The following ICE2 variants were observed in gnomAD, a reference collection of about 807,000 sequenced individuals.
ICE2 encodes little elongation complex subunit 2.
In ICE2, 87 loss-of-function variants were observed where a neutral mutation model predicts 105.4. The ratio of observed to expected loss-of-function variants is 0.83; its 90% confidence interval spans 0.69 to 0.99. The LOEUF (loss-of-function observed/expected upper bound fraction) is 0.99. Ranked by LOEUF, ICE2 falls within the 50% of genes least tolerant of loss-of-function variation. The pLI is 0.00. For synonymous variants in ICE2, 399 were observed against 392.0 expected (o/e 1.02, Z -0.21); for missense variants, 1,323 against 1,146.7 (o/e 1.15, Z -2.22).
intron 15 of ICE2, among the ~76,000 whole-genome samples, chr15:60,424,641 T>G (rs1374441894): frequency 2.0e-5 from 3 of 152,178 alleles, no homozygotes; most frequent in Non-Finnish European, 2.9e-5. Flanking sequence ...CCTGAGCAGC[T>G]GGGATTACAG....
chr15:60,449,159 G>A lies in ICE2; in HGVS notation c.1808C>T (p.Pro603Leu), dbSNP rs1268712604. The change falls in exon 10 of 16, where the codon CCA (proline) becomes CTA (leucine). Residue 603 changes from proline to leucine, a missense_variant. Physicochemically the swap from Pro to Leu is moderately conservative, Grantham distance 98. Coordinates refer to ENST00000261520, the MANE Select transcript of ICE2 (RefSeq NM_024611.6). The part of the protein sequence containing the change: ...AVVGSNLSSR[P>L]ASPNSSSGQA... ...TCCTGAGGAAGAATTTGGACTAGCT[G>A]GTCTGGAACTTAAGTTAGAACCCAC... 3 of 1,613,758 alleles carry A rather than the reference G, an allele frequency of 1.9e-6. No homozygotes were observed. The highest frequency in any genetic ancestry group is 2.5e-6 in the Non-Finnish European group (3 of 1,179,834).
At chr15:60,455,254 C>G in intron 7 of ICE2, 72 bp downstream of exon 7, 1 of 1,526,558 alleles carries the variant, frequency 6.6e-7, no homozygotes, top group Non-Finnish European at 9.0e-7. Flanking sequence ...GACTTTGGGA[C>G]AATCGGGTTA....
intron 3 of ICE2, 72 bp downstream of exon 3, chr15:60,475,991 T>C (rs919998657): frequency 2.4e-5 from 23 of 945,914 alleles, no homozygotes; most frequent in Admixed American, 8.0e-5. Flanking sequence ...ATACTAGAGA[T>C]ACACATAAAA....
intron 11 of ICE2, among the ~76,000 whole-genome samples, chr15:60,444,474 AT>A (rs550580004): frequency 1.2e-4 from 19 of 152,050 alleles, no homozygotes; most frequent in Non-Finnish European, 2.4e-4. Flanking sequence ...AAAGTTTACT[AT>A]TTTTTTCCCT....
At chr15:60,443,442 G>A (rs1013585080) in intron 11 of ICE2, among the ~76,000 whole-genome samples, 1 of 152,196 alleles carries the variant, frequency 6.6e-6, no homozygotes, top group Non-Finnish European at 1.5e-5. Flanking sequence ...GGCAAAGAGT[G>A]GGCTTGGTAC....
Position 60,455,030 on chromosome 15 carries a change from C to A in ICE2, c.916G>T (p.Val306Leu), listed in dbSNP as rs376840012. 18 of 1,572,678 alleles carry A rather than the reference C, an allele frequency of 1.1e-5. No homozygotes were observed. Among genetic ancestry groups the A allele is most frequent in the Non-Finnish European group, 1.5e-5 (18 of 1,167,108 alleles). The change falls in exon 8 of 16, where the codon GTG (valine) becomes TTG (leucine). Residue 306 changes from valine (V) to leucine (L), a missense_variant. By Grantham distance (32) the Val-to-Leu change is conservative. Transcript: ENST00000261520. ...GCAACAGGTATTACTTGAATACACA[C>A]TGGAATTTCCCACTGTTCCTTGTAC... ...PTYKEQWEIP[V>L]CIQVIPVAGS...
At chr15:60,434,563 ACAC>A (rs1444071205) in intron 13 of ICE2, among the ~76,000 whole-genome samples, 2 of 142,202 alleles carry the variant, frequency 1.4e-5, no homozygotes, top group African/African-American at 2.5e-5. Flanking sequence ...ACACACACAC[ACAC>A]AATGGAATAT....
chr15:60,448,155 TA>T lies in ICE2; in HGVS notation c.2120-11del. 6.3e-7 allele frequency: 1 copy of T among 1,575,754 alleles called. No individual in the cohort carries two copies. Among genetic ancestry groups the T allele is most frequent in the Non-Finnish European group, 8.7e-7 (1 of 1,151,190 alleles). On this transcript the variant is annotated splice_polypyrimidine_tract_variant and intron_variant, in intron 10 of 15. Transcript: ENST00000261520. ...AGTTCATATGGCAATCCTTTAAAAA[TA>T]GTATTTCTCATTTTTAAAATACATT...
Position 60,449,538 on chromosome 15 carries a change from C to A in ICE2, c.1429G>T (p.Gly477Cys). 1 of 1,614,104 alleles carries A rather than the reference C, an allele frequency of 6.2e-7. No individual in the cohort carries two copies. Among genetic ancestry groups the A allele is most frequent in the Non-Finnish European group, 8.5e-7 (1 of 1,179,994 alleles). Residue 477 changes from glycine (G) to cysteine (C), a missense_variant, in exon 10 of 16, where the codon GGC becomes TGC. Gly to Cys is a radical substitution (Grantham distance 159, BLOSUM62 -3). Coordinates refer to ENST00000261520, the MANE Select transcript of ICE2 (RefSeq NM_024611.6). ...TCTTTATTTTTGCATTCCTCAGGGCCACCATCCATACCAGTGACCAGCTGT... is the reference window on the plus strand; with the variant it reads ...TCTTTATTTTTGCATTCCTCAGGGCAACCATCCATACCAGTGACCAGCTGT... The part of the protein sequence containing the change: ...EKQLVTGMDG[G>C]PEECKNKDDQ...
At chr15:60,471,571 T>C (rs534762252) in intron 3 of ICE2, among the ~76,000 whole-genome samples, 5 of 152,312 alleles carry the variant, frequency 3.3e-5, no homozygotes, top group African/African-American at 1.2e-4. Context: ...GCAGTTTAAA[T>C]TGGCTACATT....
intron 15 of ICE2, among the ~76,000 whole-genome samples, chr15:60,426,634 T>C (rs1382470447): frequency 6.6e-6 from 1 of 152,230 alleles, no homozygotes; most frequent in Non-Finnish European, 1.5e-5. Context: ...TATTTTAGTG[T>C]CAGTCTATAT....
intron 5 of ICE2, among the ~76,000 whole-genome samples, chr15:60,459,041 C>G (rs577628605): frequency 1.3e-5 from 2 of 152,090 alleles, no homozygotes; most frequent in African/African-American, 2.4e-5. Flanking sequence ...GGTGGTGATA[C>G]CTGCATAACA....
chr15:60,477,443 A>AC (rs1381256046), intron 2 of ICE2, among the ~76,000 whole-genome samples: 1 of 152,238 alleles, frequency 6.6e-6, no homozygotes, highest in African/African-American at 2.4e-5. Flanking sequence ...CTAAAGCAGC[A>AC]CATGTATTAG....
chr15:60,445,932 T>C (rs900622746), intron 11 of ICE2: 2 of 228,174 alleles, frequency 8.8e-6, no homozygotes, highest in Non-Finnish European at 7.3e-6. Flanking sequence ...TGATACTATA[T>C]GTATTCATGA....
intron 5 of ICE2, among the ~76,000 whole-genome samples, chr15:60,463,926 G>C (rs1340012100): frequency 2.6e-5 from 4 of 152,148 alleles, no homozygotes; most frequent in Admixed American, 1.3e-4. Flanking sequence ...TTATACAAGA[G>C]GACTACACAG....
chr15:60,445,586 G>GT (rs2063805687), intron 11 of ICE2: 2 of 960,984 alleles, frequency 2.1e-6, no homozygotes, highest in African/African-American at 3.5e-5. Context: ...AGTCTTTAGG[G>GT]TGTGACTATT....
At chr15:60,428,933 A>G (rs2063395607) in intron 14 of ICE2, among the ~76,000 whole-genome samples, 1 of 152,182 alleles carries the variant, frequency 6.6e-6, no homozygotes. Context: ...TTTTATAGCA[A>G]TTCGTAAGTT....
chr15:60,431,241 G>A (rs576526011), intron 14 of ICE2, among the ~76,000 whole-genome samples: 2 of 151,724 alleles, frequency 1.3e-5, no homozygotes, highest in South Asian at 4.2e-4. Flanking sequence ...CTGAATAATG[G>A]TCTCCCACCA....
In ICE2 at chr15:60,448,051, T is replaced by G. The variant is rs370218809; in HGVS notation, c.2214A>C (p.Gln738His). 28 of 1,613,920 alleles carry G rather than the reference T, an allele frequency of 1.7e-5. No homozygotes were observed. Among genetic ancestry groups the G allele is most frequent in the Non-Finnish European group, 2.0e-5 (24 of 1,179,794 alleles). ...TGCAGCGTACGAGTAACAACAGGTC[T>G]TGCAGGCTAAATAACTTATAAACAA... ...GNFVYKLFSLQDLLLLVRCSV... is the reference protein window; with the variant it reads ...GNFVYKLFSLHDLLLLVRCSV... The change falls in exon 11 of 16, where the codon CAA becomes CAC. Residue 738 changes from glutamine (Q) to histidine (H), a missense_variant. By Grantham distance (24) the Gln-to-His change is conservative. Coordinates refer to ENST00000261520, the MANE Select transcript of ICE2 (RefSeq NM_024611.6).
Sources: gnomAD v4.1 joint callset for allele counts (sites outside exome capture counted in the v4.1 genomes callset) on GRCh38, gnomAD v4.1.1 for gene constraint, MANE v1.5 for transcripts, NCBI Gene and HGNC (gene_info 2026-07-23, HGNC 2026-07-21) for gene names.